The following ITGB6 variants were observed in gnomAD, a reference collection of about 807,000 sequenced individuals.
The protein encoded by ITGB6 is integrin subunit beta 6.
A neutral mutation model predicts 84.5 loss-of-function variants in ITGB6; 80 were observed. The observed-to-expected ratio is 0.95, with a 90% confidence interval of 0.79 to 1.14. The LOEUF (loss-of-function observed/expected upper bound fraction) is 1.14. Among genes scored for constraint, ITGB6 ranks in the 50% most tolerant of loss-of-function variants. The pLI is 0.00. For synonymous variants in ITGB6, 383 were observed against 354.9 expected, an observed-to-expected ratio of 1.08 and a Z score of -0.89; for missense variants, 1,006 against 968.0, an observed-to-expected ratio of 1.04 and a Z score of -0.52.
Position 160,196,257 on chromosome 2 carries a change from A to G in ITGB6, c.305T>C (p.Val102Ala), listed in dbSNP as rs1456621730. 6.2e-7 allele frequency: 1 copy of G among 1,613,952 alleles called. No individual in the cohort carries two copies. The highest frequency in any genetic ancestry group is 2.2e-5 in the East Asian group (1 of 44,868). Residue 102 changes from valine to alanine, a missense_variant, in exon 3 of 15, where the codon GTT (valine) becomes GCT (alanine). Transcript: ENST00000283249. Reference protein sequence around the residue: ...VGRQKNSSDIVQIAPQSLILK... With the variant: ...VGRQKNSSDIAQIAPQSLILK... ...GATCAAGCTTTGAGGCGCAATCTGA[A>G]CAATGTCAGAACTATTTTTCTGTCT...
At chr2:160,112,656 T>C (rs1682584615) in intron 12 of ITGB6, among the ~76,000 whole-genome samples, 1 of 152,228 alleles carries the variant, frequency 6.6e-6, no homozygotes, top group African/African-American at 2.4e-5. Context: ...TTGCTGGCCA[T>C]GTATTGTGGT....
At chr2:160,122,278 T>C (rs1284813590) in intron 12 of ITGB6, among the ~76,000 whole-genome samples, 1 of 152,160 alleles carries the variant, frequency 6.6e-6, no homozygotes, top group Non-Finnish European at 1.5e-5. Context: ...AGTCTTCCTC[T>C]CCAATCTCAG....
At chr2:160,170,568 G>T (rs113858906) in intron 6 of ITGB6, among the ~76,000 whole-genome samples, 65 of 152,336 alleles carry the variant, frequency 4.3e-4, no homozygotes, top group African/African-American at 1.5e-3. Context: ...CTTCGAAGGT[G>T]AGCGAAGCTG....
intron 7 of ITGB6, among the ~76,000 whole-genome samples, chr2:160,149,859 G>T (rs531096872): frequency 6.6e-6 from 1 of 152,280 alleles, no homozygotes; most frequent in Non-Finnish European, 1.5e-5. Context: ...GGGTATCAGT[G>T]ATTGAAGATC....
chr2:160,124,680 C>A (rs1193962948), intron 11 of ITGB6, among the ~76,000 whole-genome samples: 1 of 152,176 alleles, frequency 6.6e-6, no homozygotes, highest in Non-Finnish European at 1.5e-5. Context: ...CTGTCTCTGT[C>A]TCCTCTGGCC....
chr2:160,118,994 C>G lies in ITGB6; in HGVS notation c.1981+4797G>C, dbSNP rs542344016. On this transcript the variant is annotated intron_variant, in intron 12 of 14. Coordinates refer to ENST00000283249, the MANE Select transcript of ITGB6 (RefSeq NM_000888.5). ...GATCTCTTCAAGGAGAACTACAAAC[C>G]ACTGCTCAATGAAATAAAAGAGGAT... Among the ~76,000 whole-genome samples, 741 of 152,100 alleles carry G rather than the reference C, an allele frequency of 4.9e-3. 8 individuals carry two copies. The highest frequency in any genetic ancestry group is 0.017 in the African/African-American group (711 of 41,506).
At chr2:160,108,597 A>G (rs1697002433) in intron 13 of ITGB6, among the ~76,000 whole-genome samples, 1 of 152,158 alleles carries the variant, frequency 6.6e-6, no homozygotes, top group Non-Finnish European at 1.5e-5. Flanking sequence ...GATGATACCA[A>G]TAAGCTGAAC....
In ITGB6 at chr2:160,196,419, T is replaced by C. The variant is rs1370036283; in HGVS notation, c.143A>G (p.Asn48Ser). The C allele has an allele frequency of 1.1e-5, 18 of 1,596,974 alleles. No homozygotes were observed. The highest frequency in any genetic ancestry group is 1.5e-5 in the Non-Finnish European group (18 of 1,173,370). Residue 48 changes from asparagine (N) to serine (S), a missense_variant and splice_region_variant, in exon 3 of 15, where the codon AAT becomes AGT. Transcript: ENST00000283249. The part of the protein sequence containing the change: ...GPQCAWCAQE[N>S]FTHPSGVGER... ...GCCAACTCCAGATGGATGAGTAAAA[T>C]TCTAAAAAAGAAAAAGAAAAACAAT...
intron 12 of ITGB6, among the ~76,000 whole-genome samples, chr2:160,112,797 GAA>G (rs958348291): frequency 7.5e-6 from 1 of 133,000 alleles, no homozygotes. Flanking sequence ...TTCTTAATTT[GAA>G]AAAAAAAAAA....
chr2:160,129,164 C>T (rs973851775), intron 10 of ITGB6, among the ~76,000 whole-genome samples: 1 of 152,060 alleles, frequency 6.6e-6, no homozygotes, highest in Admixed American at 6.6e-5. Flanking sequence ...GACACTTTTG[C>T]TGTAGACAAG....
chr2:160,175,426 C>T (rs1166493282), intron 4 of ITGB6, among the ~76,000 whole-genome samples: 1 of 152,236 alleles, frequency 6.6e-6, no homozygotes, highest in Non-Finnish European at 1.5e-5. Flanking sequence ...AACAAAGCAT[C>T]TCCCTATATG....
At chr2:160,182,910 A>G (rs1249999539) in intron 4 of ITGB6, among the ~76,000 whole-genome samples, 3 of 152,224 alleles carry the variant, frequency 2.0e-5, no homozygotes, top group Non-Finnish European at 4.4e-5. Flanking sequence ...TAAGCGAAGG[A>G]GAAATAAAAT....
At chr2:160,126,278 C>T in intron 11 of ITGB6, 101 bp downstream of exon 11, 1 of 1,097,326 alleles carries the variant, frequency 9.1e-7, no homozygotes. Flanking sequence ...GGAGACCAAA[C>T]CAGCAAATAC....
chr2:160,194,353 G>A (rs1686253429), intron 4 of ITGB6, among the ~76,000 whole-genome samples: 1 of 151,726 alleles, frequency 6.6e-6, no homozygotes, highest in Non-Finnish European at 1.5e-5. Flanking sequence ...AATAAAAGCT[G>A]TTTATCTTTT....
Position 160,123,833 on chromosome 2 carries a change from C to T in ITGB6, c.1939G>A (p.Asp647Asn). Reference sequence around the variant, plus strand: ...GTCGCACCAGCTAGTTTGCACTTGTCCACACATTCTTCTCGGGCTTGGCCA... The same window carrying T: ...GTCGCACCAGCTAGTTTGCACTTGTTCACACATTCTTCTCGGGCTTGGCCA... ...AAGQAREECV[D>N]KCKLAGATIS... Residue 647 changes from aspartate (D) to asparagine (N), a missense_variant, in exon 12 of 15, where the codon GAC becomes AAC. Transcript: ENST00000283249. 2 of 1,614,036 alleles carry T rather than the reference C, an allele frequency of 1.2e-6. No homozygotes were observed. Among genetic ancestry groups the T allele is most frequent in the Non-Finnish European group, 1.7e-6 (2 of 1,179,964 alleles).
chr2:160,137,913 C>T (rs778727991), intron 9 of ITGB6, 62 bp from the exon 10 acceptor site: 217 of 1,563,668 alleles, frequency 1.4e-4, no homozygotes, highest in Admixed American at 2.0e-4. Flanking sequence ...TGAAACAAGG[C>T]TTCACGGAAA....
At chr2:160,185,466 T>A (rs1239753918) in intron 4 of ITGB6, among the ~76,000 whole-genome samples, 1 of 152,106 alleles carries the variant, frequency 6.6e-6, no homozygotes, top group Non-Finnish European at 1.5e-5. Flanking sequence ...GCTCAAGGAA[T>A]AAGAGAGGAC....
intron 13 of ITGB6, among the ~76,000 whole-genome samples, chr2:160,111,879 C>A (rs1205422102): frequency 6.6e-6 from 1 of 152,090 alleles, no homozygotes; most frequent in African/African-American, 2.4e-5. Flanking sequence ...CGTGCCCGAC[C>A]CTTATCTGGT....
At chr2:160,180,258 C>G (rs908621498) in intron 4 of ITGB6, among the ~76,000 whole-genome samples, 4 of 152,116 alleles carry the variant, frequency 2.6e-5, no homozygotes, top group African/African-American at 9.7e-5. Flanking sequence ...TCTCCATCCA[C>G]TGAAAATAAA....
Sources: allele counts gnomAD v4.1 joint callset (sites outside exome capture counted in the v4.1 genomes callset), GRCh38; gene constraint gnomAD v4.1.1; transcripts MANE v1.5; gene names NCBI Gene and HGNC (gene_info 2026-07-23, HGNC 2026-07-21).